STOX2: variants seen among roughly 807,000 people sequenced by gnomAD.
The protein encoded by STOX2 is storkhead box 2, also known as storkhead-box protein 2.
A neutral mutation model predicts 60.9 loss-of-function variants in STOX2; 28 were observed. The ratio of observed to expected loss-of-function variants is 0.46; its 90% CI spans 0.34 to 0.63. The LOEUF is 0.63. STOX2 is among the 30% of genes least tolerant of loss of function. The pLI, the probability that STOX2 is intolerant of heterozygous loss-of-function variation, is 0.01. For missense variants in STOX2, 1,024 were observed against 1,187.7 expected (o/e 0.86, Z 2.03); for synonymous variants, 472 against 463.9 (o/e 1.02, Z -0.22).
intron 1 of STOX2, among the ~76,000 whole-genome samples, chr4:183,918,835 C>T (rs1005478082): frequency 3.3e-5 from 5 of 152,174 alleles, no homozygotes; most frequent in African/African-American, 9.7e-5. Flanking sequence ...TCCGGGATGA[C>T]GGCCTGAGCT....
intron 1 of STOX2, among the ~76,000 whole-genome samples, chr4:183,828,303 G>A (rs904566010): frequency 1.3e-5 from 2 of 152,220 alleles, no homozygotes; most frequent in African/African-American, 2.4e-5. Context: ...GTTTGGGTGA[G>A]TGACACAGCG....
chr4:183,827,266 G>A (rs914783651), intron 1 of STOX2, among the ~76,000 whole-genome samples: 2 of 152,218 alleles, frequency 1.3e-5, no homozygotes, highest in African/African-American at 4.8e-5. Flanking sequence ...GGGAGGCCAA[G>A]GAGGGAGCAT....
intron 1 of STOX2, among the ~76,000 whole-genome samples, chr4:183,857,657 C>A (rs1263448011): frequency 6.6e-6 from 1 of 152,202 alleles, no homozygotes; most frequent in Non-Finnish European, 1.5e-5. Flanking sequence ...CCTCCTGAAT[C>A]CCGGGCAGCT....
intron 1 of STOX2, among the ~76,000 whole-genome samples, chr4:183,958,178 G>A (rs1743308978): frequency 6.6e-6 from 1 of 152,146 alleles, no homozygotes; most frequent in African/African-American, 2.4e-5. Context: ...TCTTTCAGGG[G>A]GAATGGTAGA....
At chr4:183,920,428 A>T (rs1018453440) in intron 1 of STOX2, among the ~76,000 whole-genome samples, 2 of 152,134 alleles carry the variant, frequency 1.3e-5, no homozygotes, top group African/African-American at 4.8e-5. Context: ...TAAGTAAAGT[A>T]TTGAATACTG....
chr4:183,986,030 C>T (rs1169032005), intron 1 of STOX2, among the ~76,000 whole-genome samples: 1 of 151,704 alleles, frequency 6.6e-6, no homozygotes, highest in Non-Finnish European at 1.5e-5. Flanking sequence ...GCCCTAGGCT[C>T]AGTCTGTGGC....
At chr4:183,964,814 C>A (rs1743515169) in intron 1 of STOX2, among the ~76,000 whole-genome samples, 1 of 152,140 alleles carries the variant, frequency 6.6e-6, no homozygotes, top group Admixed American at 6.5e-5. Flanking sequence ...AAACTCCCGA[C>A]CCTAGGTGAT....
intron 1 of STOX2, among the ~76,000 whole-genome samples, chr4:183,895,738 A>C (rs1741325407): frequency 6.6e-6 from 1 of 152,228 alleles, no homozygotes; most frequent in South Asian, 2.1e-4. Flanking sequence ...GCAAGTGCTC[A>C]ATAAACATTT....
rs558544618 is a variant in STOX2 at position 183,823,082 on chromosome 4, C to T, written c.364+25027C>T. ...TATAAATGTAACCGCAATGATCTAG[C>T]GATGATTCTCTCTTTTTAAAACTAT... On this transcript the variant is annotated intron_variant, in intron 1 of 2. Coordinates refer to the STOX2 transcript ENST00000513034. Among the ~76,000 whole-genome samples, 9 of 152,306 alleles carry T rather than the reference C, an allele frequency of 5.9e-5. No homozygotes were observed. In the South Asian group the frequency reaches 6.2e-4, roughly 11 times the overall value.
chr4:183,960,319 G>C (rs1031446151), intron 1 of STOX2: 1 of 152,190 alleles, frequency 6.6e-6, no homozygotes, highest in Non-Finnish European at 1.5e-5. Context: ...TGGGGATCAT[G>C]AGCTCCTGCC....
chr4:183,992,203 A>G (rs1733142884), intron 1 of STOX2, among the ~76,000 whole-genome samples: 1 of 152,118 alleles, frequency 6.6e-6, no homozygotes, highest in Admixed American at 6.6e-5. Flanking sequence ...TTTTGTTGTA[A>G]TTTGGGAACT....
At chr4:183,971,536 A>G (rs1028464824) in intron 1 of STOX2, among the ~76,000 whole-genome samples, 2 of 152,202 alleles carry the variant, frequency 1.3e-5, no homozygotes, top group Non-Finnish European at 2.9e-5. Context: ...TAGTAACTCC[A>G]AAGAAAATAG....
intron 1 of STOX2, among the ~76,000 whole-genome samples, chr4:183,894,112 C>T (rs1476649966): frequency 6.6e-6 from 1 of 152,182 alleles, no homozygotes; most frequent in Non-Finnish European, 1.5e-5. Context: ...GATCATGCCA[C>T]TGCACTGCAG....
At chr4:184,000,671 A>C (rs1733548766) in intron 1 of STOX2, among the ~76,000 whole-genome samples, 1 of 152,040 alleles carries the variant, frequency 6.6e-6, no homozygotes, top group Non-Finnish European at 1.5e-5. Flanking sequence ...TTCAGATTAC[A>C]CTTCCTTGGT....
At chr4:183,864,363 G>A (rs1479283785) in intron 1 of STOX2, among the ~76,000 whole-genome samples, 5 of 152,084 alleles carry the variant, frequency 3.3e-5, no homozygotes, top group African/African-American at 7.2e-5. Flanking sequence ...GAAAACAGGT[G>A]CAGATGATTA....
intron 1 of STOX2, among the ~76,000 whole-genome samples, chr4:183,889,934 T>G (rs1439806155): frequency 6.6e-6 from 1 of 152,170 alleles, no homozygotes; most frequent in African/African-American, 2.4e-5. Flanking sequence ...TTAGAGGCCA[T>G]ACAAGAAAAA....
chr4:184,013,462 T>C (rs936510534), intron 3 of STOX2, among the ~76,000 whole-genome samples: 2 of 152,234 alleles, frequency 1.3e-5, no homozygotes, highest in Non-Finnish European at 2.9e-5. Flanking sequence ...CTTCACACAA[T>C]AGCCGCATGT....
intron 1 of STOX2, among the ~76,000 whole-genome samples, chr4:183,980,129 T>C (rs1351661134): frequency 1.3e-5 from 2 of 152,126 alleles, no homozygotes; most frequent in Admixed American, 6.5e-5. Flanking sequence ...TTATGACTAG[T>C]TTTTACTTTT....
rs1739393510 is a variant in STOX2, at chr4:183,825,200, A to G, written c.364+27145A>G. On this transcript the variant is annotated intron_variant, in intron 1 of 2. Coordinates refer to the STOX2 transcript ENST00000513034. The surrounding 1 kb of genome is among the most constrained non-coding windows in gnomAD (Gnocchi z 4.1). The stretch of plus-strand genomic sequence containing the variant: ...GGTGGATGGTCTCAGGTCCACCATG[A>G]GGACGGCTGGGACATTCTTCCAGCT... Among the ~76,000 whole-genome samples the G allele has an allele frequency of 6.6e-6, 1 of 152,192 alleles. No individual in the cohort carries two copies. Among genetic ancestry groups the G allele is most frequent in the Admixed American group, 6.5e-5 (1 of 15,280 alleles).
Sources: gnomAD v4.1 joint callset for allele counts (sites outside exome capture counted in the v4.1 genomes callset) on GRCh38, gnomAD v4.1.1 for gene constraint, Gnocchi (gnomAD v3.1) non-coding constraint, MANE v1.5 for transcripts, NCBI Gene and HGNC (gene_info 2026-07-23, HGNC 2026-07-21) for gene names.